NOTCH3: variants seen among roughly 807,000 people sequenced by gnomAD.
NOTCH3 encodes neurogenic locus notch homolog protein 3.
In NOTCH3, 86 loss-of-function variants were observed where a neutral mutation model predicts 213.3. The ratio of observed to expected loss-of-function variants is 0.40; its 90% CI spans 0.34 to 0.48. NOTCH3 has a LOEUF of 0.48. Among genes scored for constraint, NOTCH3 ranks in the 20% least tolerant of loss-of-function variants. NOTCH3 has a pLI of 0.57. For synonymous variants in NOTCH3, 1,354 were observed against 1,355.9 expected, an observed-to-expected ratio of 1.00 and a Z score of 0.03; for missense variants, 2,783 against 3,272.6, an observed-to-expected ratio of 0.85 and a Z score of 3.65.
chr19:15,194,069 G>A (rs958627969), intron 2 of NOTCH3, among the ~76,000 whole-genome samples: 4 of 151,678 alleles, frequency 2.6e-5, no homozygotes, highest in African/African-American at 7.3e-5. Flanking sequence ...GTGACAGAGA[G>A]AGACTCCACC....
In NOTCH3 at chr19:15,185,643, G is replaced by A. The variant is rs750700296; in HGVS notation, c.1988C>T (p.Ser663Phe). ...LCNVEINECASSPCGEGGSCV... is the reference protein window; with the variant it reads ...LCNVEINECAFSPCGEGGSCV... ...GGAACCTCCCTCGCCGCATGGGCTG[G>A]AAGCACACTCATTGATCTCCACGTT... The change falls in exon 13 of 33, where the codon TCC becomes TTC. Residue 663 changes from serine (S) to phenylalanine (F), a missense_variant. By Grantham distance (155) the Ser-to-Phe change is radical (BLOSUM62 -2). Transcript: ENST00000263388. This position sits in a 1 kb window ranked among gnomAD's most constrained non-coding sequence, Gnocchi z 4.2. 5.0e-6 allele frequency: 8 copies of A among 1,613,588 alleles called. No homozygotes were observed. The highest frequency in any genetic ancestry group is 6.8e-6 in the Non-Finnish European group (8 of 1,180,028).
rs1368546011 is a variant in NOTCH3 at position 15,187,148 on chromosome 19, G to C, written c.1797C>G (p.Asp599Glu). Reference protein sequence around the residue: ...QPCRHGGKCLDLVDKYLCRCP... With the variant: ...QPCRHGGKCLELVDKYLCRCP... The stretch of plus-strand genomic sequence containing the variant: ...AGCGGCAGAGGTACTTGTCCACCAG[G>C]TCTAGGCATTTGCCGCCATGGCGGC... The change falls in exon 11 of 33, where the codon GAC (aspartate) becomes GAG (glutamate). Residue 599 changes from aspartate to glutamate, a missense_variant. By Grantham distance (45) the Asp-to-Glu change is conservative (BLOSUM62 2). Around this residue, in one of 6 missense-constraint regions of NOTCH3, gnomAD observed 708 missense variants for 906.6 expected, o/e 0.78. Transcript: ENST00000263388. 4 of 1,614,158 alleles carry C rather than the reference G, an allele frequency of 2.5e-6. No homozygotes were observed. The South Asian group carries it at 4.4e-5, about 18-fold the overall frequency.
Position 15,185,770 on chromosome 19 carries a change from C to G in NOTCH3, c.1952-91G>C. ...GTGACCCCACTTAGCACACCCACAC[C>G]CCCGAGCAATGACCTCTTTTTCATA... On this transcript the variant is annotated intron_variant, in intron 12 of 32. Coordinates refer to ENST00000263388, the MANE Select transcript of NOTCH3 (RefSeq NM_000435.3). This position sits in a 1 kb window ranked among gnomAD's most constrained non-coding sequence, Gnocchi z 4.2. 1 of 1,260,228 alleles carries G rather than the reference C, an allele frequency of 7.9e-7. No homozygotes were observed. The highest frequency in any genetic ancestry group is 2.4e-5 in the East Asian group (1 of 42,510). 78.1% of individuals were successfully genotyped at this position (1,260,228 alleles called of 1,614,324 possible). A position where few individuals can be genotyped will look rare whatever the true frequency, so the allele number is the denominator to read the frequency against.
chr19:15,199,981 C>A (rs913122829), intron 1 of NOTCH3, among the ~76,000 whole-genome samples: 3 of 151,578 alleles, frequency 2.0e-5, no homozygotes, highest in African/African-American at 7.3e-5. Context: ...GCGAGGCCGG[C>A]CGGAGGGAGG....
At chr19:15,170,057 G>A in intron 28 of NOTCH3, 29 bp downstream of exon 28, 1 of 1,371,852 alleles carries the variant, frequency 7.3e-7, no homozygotes, top group Non-Finnish European at 1.0e-6. Flanking sequence ...GGTCAGAGGA[G>A]GGGGCAAAGG....
chr19:15,174,059 G>A lies in NOTCH3; in HGVS notation c.4736+9C>T. On this transcript the variant is annotated intron_variant, in intron 25 of 32. Transcript: ENST00000263388. ...AGCCACCACGGCTTTTCCAGGTGGGGTCACTCACCCGATCACCTCGGGGGC... is the reference window on the plus strand; with the variant it reads ...AGCCACCACGGCTTTTCCAGGTGGGATCACTCACCCGATCACCTCGGGGGC... 8 of 1,553,834 alleles carry A rather than the reference G, an allele frequency of 5.1e-6. No individual in the cohort carries two copies. The highest frequency in any genetic ancestry group is 7.0e-6 in the Non-Finnish European group (8 of 1,146,420).
At chr19:15,170,976 C>G in intron 25 of NOTCH3, 151 bp from the exon 26 acceptor site, 1 of 779,906 alleles carries the variant, frequency 1.3e-6, no homozygotes, top group Middle Eastern at 3.5e-4. Flanking sequence ...ACCTGGCATC[C>G]AACCCCACTG....
At position 15,178,040 on chromosome 19, in the gene NOTCH3, C is replaced by A; in HGVS notation, c.3888G>T (p.Leu1296=). 1 of 1,516,850 alleles carries A rather than the reference C, an allele frequency of 6.6e-7. No homozygotes were observed. The allele number at this position is 1,516,850 out of a possible 1,614,324, so 94.0% of individuals were successfully genotyped here. A position where few individuals can be genotyped will look rare whatever the true frequency, so the allele number is the denominator to read the frequency against. ...GGCATGGGACGCCCACCGGGCACTG[C>A]AGCTCCCGGCAGGAGCGCGCCACCC... ...CERVARSCRE[L]QCPVGVPCQQ... is the part of the protein sequence containing the mutation. Residue 1296 remains leucine, a synonymous_variant, in exon 24 of 33, where the codon CTG becomes CTT. Transcript: ENST00000263388.
intron 29 of NOTCH3, among the ~76,000 whole-genome samples, chr19:15,166,311 G>A (rs2046685608): frequency 6.6e-6 from 1 of 152,100 alleles, no homozygotes; most frequent in Admixed American, 6.6e-5. Context: ...AGGGACTCTG[G>A]GAGTCAAGCA....
chr19:15,173,118 T>TCTTCTTCTTCTC (rs1568351385), intron 25 of NOTCH3, among the ~76,000 whole-genome samples: 2 of 95,268 alleles, frequency 2.1e-5, no homozygotes, highest in African/African-American at 1.8e-4. Flanking sequence ...TTTTTTTTTT[T>TCTTCTTCTTCTC]TTTTTTTTTT....
At chr19:15,172,949 G>A (rs1038472958) in intron 25 of NOTCH3, among the ~76,000 whole-genome samples, 1 of 147,538 alleles carries the variant, frequency 6.8e-6, no homozygotes, top group African/African-American at 2.5e-5. Context: ...GAGCCACCGA[G>A]CCCCTCCTAT....
rs2046679489 is a variant in NOTCH3 at position 15,165,609 on chromosome 19, C to T, written c.5668-94G>A. On this transcript the variant is annotated intron_variant, in intron 30 of 32. Transcript: ENST00000263388. This position sits in a 1 kb window ranked among gnomAD's most constrained non-coding sequence, Gnocchi z 4.7. ...TCCCATGAAGTCCCCAACCCCCATA[C>T]CCCAACCCCTGAAATTGGTGAGGTT... 1.0e-5 allele frequency: 11 copies of T among 1,062,708 alleles called. No homozygotes were observed. The highest frequency in any genetic ancestry group is 1.3e-5 in the Non-Finnish European group (10 of 760,392). 65.8% of individuals were successfully genotyped at this position (1,062,708 alleles called of 1,614,324 possible). A position where few individuals can be genotyped will look rare whatever the true frequency, so the allele number is the denominator to read the frequency against.
rs969513308 is a variant in NOTCH3, at chr19:15,192,482, C to G, written c.235G>C (p.Glu79Gln). Residue 79 changes from glutamate (E) to glutamine (Q), a missense_variant, in exon 3 of 33, where the codon GAG (glutamate) becomes CAG (glutamine). Glu to Gln is a conservative substitution (Grantham distance 29, BLOSUM62 2). This residue lies in a region of NOTCH3 where 708 missense variants were observed against 906.6 expected (regional missense o/e 0.78). Transcript: ENST00000263388. Reference protein sequence around the residue: ...PGWVGERCQLEDPCHSGPCAG... With the variant: ...PGWVGERCQLQDPCHSGPCAG... ...CAGGGGCCTGAGTGACAGGGGTCCT[C>G]CAGCTGACACCGCTCACCCACCCAG... 1.9e-6 allele frequency: 3 copies of G among 1,604,938 alleles called. No homozygotes were observed. Among genetic ancestry groups the G allele is most frequent in the Non-Finnish European group, 2.5e-6 (3 of 1,176,640 alleles).
chr19:15,194,784 C>A (rs181556127), intron 2 of NOTCH3, among the ~76,000 whole-genome samples: 9 of 151,860 alleles, frequency 5.9e-5, no homozygotes, highest in Non-Finnish European at 8.8e-5. Context: ...GAAGAAACTC[C>A]GTCTCTACTA....
At chr19:15,199,894 C>T (rs2046997840) in intron 1 of NOTCH3, among the ~76,000 whole-genome samples, 1 of 152,044 alleles carries the variant, frequency 6.6e-6, no homozygotes, top group African/African-American at 2.4e-5. Context: ...CCAGGCCTCC[C>T]GTAGCGGTGA....
intron 29 of NOTCH3, 81 bp downstream of exon 29, chr19:15,167,168 C>T: frequency 6.7e-7 from 1 of 1,491,218 alleles, no homozygotes; most frequent in Non-Finnish European, 9.2e-7. Context: ...CCCAGTTCTC[C>T]CCAAAACACA....
intron 17 of NOTCH3, 28 bp downstream of exon 17, chr19:15,181,548 C>A: frequency 6.5e-7 from 1 of 1,538,528 alleles, no homozygotes; most frequent in Non-Finnish European, 8.8e-7. Flanking sequence ...GCCAGAGTCC[C>A]TGCTCTCCAA....
chr19:15,188,994 A>G lies in NOTCH3; in HGVS notation c.1373T>C (p.Met458Thr), dbSNP rs1322964972. The G allele has an allele frequency of 6.2e-7, 1 of 1,610,038 alleles. No individual in the cohort carries two copies. Among genetic ancestry groups the G allele is most frequent in the Non-Finnish European group, 8.5e-7 (1 of 1,178,666 alleles). The change falls in exon 8 of 33, where the codon ATG (methionine) becomes ACG (threonine). Residue 458 changes from methionine to threonine, a missense_variant. By Grantham distance (81) the Met-to-Thr change is moderately conservative (BLOSUM62 -1). This residue lies in a region of NOTCH3 where 708 missense variants were observed against 906.6 expected (regional missense o/e 0.78). Transcript: ENST00000263388. ...DRIGQFTCIC[M>T]AGFTGTYCEV... ...AGGCCACGCCCACCACCCACCTGCC[A>G]TACAGATACAGGTGAACTGGCCTAT...
chr19:15,181,121 G>A lies in NOTCH3; in HGVS notation c.2834C>T (p.Ser945Leu), dbSNP rs765975372. The A allele has an allele frequency of 8.7e-6, 14 of 1,608,910 alleles. No individual in the cohort carries two copies. The South Asian group carries it at 1.1e-4, about 13-fold the overall frequency. Residue 945 changes from serine to leucine, a missense_variant, in exon 18 of 33, where the codon TCG (serine) becomes TTG (leucine). Coordinates refer to ENST00000263388, the MANE Select transcript of NOTCH3 (RefSeq NM_000435.3). ...GCCGGGACGGCACAGGCAGCTGAAC[G>A]AGTTCACGCCGTCCACACAGGTCCC... ...NGGTCVDGVN[S>L]FSCLCRPGYT...
Sources: allele counts gnomAD v4.1 joint callset (sites outside exome capture counted in the v4.1 genomes callset), GRCh38; gene constraint gnomAD v4.1.1; regional missense constraint gnomAD v4.1.1; non-coding constraint Gnocchi (gnomAD v3.1); transcripts MANE v1.5; gene names NCBI Gene and HGNC (gene_info 2026-07-23, HGNC 2026-07-21).